The following RBFOX1 variants were observed in gnomAD, a reference collection of about 807,000 sequenced individuals.
RBFOX1 encodes RNA binding fox-1 homolog 1, also known as RNA binding protein fox-1 homolog 1.
Under a neutral mutation model 57.7 loss-of-function variants are expected in RBFOX1, and 8 were observed. The ratio of observed to expected loss-of-function variants is 0.14; its 90% CI spans 0.08 to 0.25. The LOEUF is 0.25. Ranked by LOEUF, RBFOX1 falls within the 10% of genes least tolerant of loss-of-function variation. RBFOX1 has a pLI of 1.00. For synonymous variants in RBFOX1, 326 were observed against 222.4 expected (o/e 1.47, Z -4.15); for missense variants, 611 against 548.5 (o/e 1.11, Z -1.14).
chr16:6,344,407 C>CTTTTTTCTTT lies in RBFOX1; in HGVS notation c.-64+27356_-64+27357insCTTTTTTTTT, dbSNP rs1555635137. ...TCTCTTCTTCTTTTTTCTTTTTTTT[C>CTTTTTTCTTT]TTTTTTTTTTTTGAGACAGAGTCTC... On this transcript the variant is annotated intron_variant, in intron 2 of 15. Coordinates refer to ENST00000550418, the MANE Select transcript of RBFOX1 (RefSeq NM_018723.4). 6.5e-3 allele frequency among the ~76,000 whole-genome samples: 719 copies of CTTTTTTCTTT among 109,840 alleles called. 30 individuals carry two copies. Among genetic ancestry groups the CTTTTTTCTTT allele is most frequent in the Middle Eastern group, 0.012 (2 of 166 alleles). The allele number at this position is 109,840 out of a possible 152,430, so 72.1% of individuals were successfully genotyped here.
At position 6,892,775 on chromosome 16, in the gene RBFOX1, C is replaced by CTCTCTCTCTCTCTCTCT. The variant is rs1567747539; in HGVS notation, c.-15-159282_-15-159281insTCTCTCTCTCTCTCTCT. On this transcript the variant is annotated intron_variant, in intron 3 of 15. Coordinates refer to ENST00000550418, the MANE Select transcript of RBFOX1 (RefSeq NM_018723.4). The stretch of plus-strand genomic sequence containing the variant: ...CATATTCTCAAAGCCTCCCTGTCTC[C>CTCTCTCTCTCTCTCTCT]CTCTCTCTCTCTCTCTCTCTCTCTC... Among the ~76,000 whole-genome samples the CTCTCTCTCTCTCTCTCT allele has an allele frequency of 1.2e-4, 10 of 84,734 alleles. 1 individual carries two copies. The highest frequency in any genetic ancestry group is 2.5e-4 in the African/African-American group (5 of 19,654). 55.6% of individuals were successfully genotyped at this position (84,734 alleles called of 152,430 possible). A position where few individuals can be genotyped will look rare whatever the true frequency, so the allele number is the denominator to read the frequency against.
At chr16:5,783,814 G>T (rs1268508865) in intron 3 of RBFOX1, among the ~76,000 whole-genome samples, 2 of 152,158 alleles carry the variant, frequency 1.3e-5, no homozygotes, top group Non-Finnish European at 2.9e-5. Context: ...AGGCTCCCTA[G>T]TGCATATTTT....
chr16:6,769,156 T>G (rs2077876169), intron 3 of RBFOX1, among the ~76,000 whole-genome samples: 1 of 152,188 alleles, frequency 6.6e-6, no homozygotes, highest in African/African-American at 2.4e-5. Flanking sequence ...GGCAGGTCAT[T>G]CCCACGCTGT....
At chr16:6,917,150 C>T (rs962234889) in intron 3 of RBFOX1, among the ~76,000 whole-genome samples, 1 of 152,172 alleles carries the variant, frequency 6.6e-6, no homozygotes, top group African/African-American at 2.4e-5. Context: ...TGTACCCAGC[C>T]TGCAAATGAT....
At chr16:7,467,070 A>T (rs1199668412) in intron 4 of RBFOX1, among the ~76,000 whole-genome samples, 1 of 152,238 alleles carries the variant, frequency 6.6e-6, no homozygotes. Flanking sequence ...AACACTGCAT[A>T]TAAATATGTA....
chr16:6,939,510 T>TCTTTC (rs1555651205), intron 3 of RBFOX1, among the ~76,000 whole-genome samples: 1 of 148,170 alleles, frequency 6.7e-6, no homozygotes, highest in Non-Finnish European at 1.5e-5. Flanking sequence ...TTCTTTCTTT[T>TCTTTC]TTTTTTTTTC....
intron 4 of RBFOX1, among the ~76,000 whole-genome samples, chr16:5,930,825 C>T (rs1408889019): frequency 9.4e-6 from 1 of 106,558 alleles, no homozygotes; most frequent in Non-Finnish European, 1.9e-5. Context: ...TGGATGGTTG[C>T]ATGGATGGAT....
At chr16:5,681,248 T>A (rs1488758323) in intron 3 of RBFOX1, among the ~76,000 whole-genome samples, 1 of 151,132 alleles carries the variant, frequency 6.6e-6, no homozygotes, top group East Asian at 1.9e-4. Context: ...TAATTTTTTT[T>A]TTTTTTTTTG....
intron 2 of RBFOX1, among the ~76,000 whole-genome samples, chr16:6,641,701 A>G (rs866932819): frequency 8.3e-5 from 11 of 132,150 alleles, no homozygotes; most frequent in East Asian, 2.2e-4. Context: ...CACCACCGCA[A>G]TTCAGCCTGG....
At chr16:6,790,053 A>C (rs546596383) in intron 3 of RBFOX1, among the ~76,000 whole-genome samples, 2 of 148,904 alleles carry the variant, frequency 1.3e-5, no homozygotes, top group African/African-American at 4.9e-5. Flanking sequence ...AATTTTTGAG[A>C]TGGAGATTTA....
intron 2 of RBFOX1, among the ~76,000 whole-genome samples, chr16:6,350,687 C>T (rs11642627): frequency 0.1 from 15,799 of 152,048 alleles, 1,031 homozygotes; most frequent in South Asian, 0.19. Context: ...TGAGTAATTA[C>T]TAGGTCCTAA....
At chr16:6,068,429 T>G (rs970405855) in intron 1 of RBFOX1, among the ~76,000 whole-genome samples, 12 of 152,210 alleles carry the variant, frequency 7.9e-5, no homozygotes, top group African/African-American at 2.9e-4. Context: ...CCTAGAGTTG[T>G]GCCTAGGCCT....
At chr16:6,949,332 C>A (rs909053390) in intron 3 of RBFOX1, among the ~76,000 whole-genome samples, 1 of 152,204 alleles carries the variant, frequency 6.6e-6, no homozygotes, top group Non-Finnish European at 1.5e-5. Flanking sequence ...TCTTCGCTCA[C>A]CTTTTGTTCC....
intron 4 of RBFOX1, among the ~76,000 whole-genome samples, chr16:6,009,218 TAA>T (rs975265867): frequency 1.3e-5 from 2 of 152,082 alleles, no homozygotes; most frequent in Non-Finnish European, 2.9e-5. Flanking sequence ...TCGTGGTCTC[TAA>T]AAAAGACCTA....
At chr16:6,660,433 G>C (rs138832852) in intron 3 of RBFOX1, among the ~76,000 whole-genome samples, 4 of 152,038 alleles carry the variant, frequency 2.6e-5, no homozygotes, top group African/African-American at 9.7e-5. Context: ...CATAGGTAAT[G>C]GTTAGTAGCT....
intron 3 of RBFOX1, among the ~76,000 whole-genome samples, chr16:5,625,278 A>C (rs2151291093): frequency 6.6e-6 from 1 of 152,126 alleles, no homozygotes. Context: ...CGTAGGAAGC[A>C]TTTGTTGAAT....
At chr16:6,963,179 A>G (rs909805357) in intron 3 of RBFOX1, among the ~76,000 whole-genome samples, 3 of 151,430 alleles carry the variant, frequency 2.0e-5, no homozygotes, top group African/African-American at 4.9e-5. Context: ...TAGCACTGCT[A>G]TTTTTTTTCG....
At chr16:6,760,103 A>G (rs1370530056) in intron 3 of RBFOX1, among the ~76,000 whole-genome samples, 1 of 152,192 alleles carries the variant, frequency 6.6e-6, no homozygotes, top group African/African-American at 2.4e-5. Context: ...TTTTCATTAA[A>G]AGATAAAAGG....
intron 1 of RBFOX1, among the ~76,000 whole-genome samples, chr16:5,440,527 AT>A (rs1257856822): frequency 6.6e-6 from 1 of 152,104 alleles, no homozygotes; most frequent in Non-Finnish European, 1.5e-5. Flanking sequence ...ATGGCATTTA[AT>A]TTTTCCAGGA....
Sources: gnomAD v4.1 joint callset for allele counts (sites outside exome capture counted in the v4.1 genomes callset) on GRCh38, gnomAD v4.1.1 for gene constraint, MANE v1.5 for transcripts, NCBI Gene and HGNC (gene_info 2026-07-23, HGNC 2026-07-21) for gene names.